PDE4D: variants seen among roughly 807,000 people sequenced by gnomAD.
PDE4D encodes 3',5'-cyclic-AMP phosphodiesterase 4D.
PDE4D carries 24 observed loss-of-function variants against 87.4 expected under a neutral mutation model. That is an observed-to-expected ratio of 0.27 (90% CI 0.20 to 0.39). The LOEUF (loss-of-function observed/expected upper bound fraction) is 0.39, where lower values mean the gene tolerates loss of function less well. Ranked by LOEUF, PDE4D falls within the 10% of genes least tolerant of loss-of-function variation. The pLI is 1.00. For missense variants in PDE4D, 714 were observed against 1,041.0 expected, an observed-to-expected ratio of 0.69 and a Z score of 4.32; for synonymous variants, 384 against 383.2, an observed-to-expected ratio of 1.00 and a Z score of -0.02.
intron 1 of PDE4D, among the ~76,000 whole-genome samples, chr5:59,666,110 G>A (rs1222130170): frequency 3.9e-5 from 6 of 152,024 alleles, no homozygotes; most frequent in East Asian, 1.9e-4. Flanking sequence ...ACAGGCATGC[G>A]CCACCATGCC....
At chr5:60,377,281 C>A (rs1031776147) in intron 1 of PDE4D, among the ~76,000 whole-genome samples, 1 of 152,180 alleles carries the variant, frequency 6.6e-6, no homozygotes, top group Non-Finnish European at 1.5e-5. Flanking sequence ...CAGTATCTAG[C>A]ACAGAGTCAG....
intron 2 of PDE4D, among the ~76,000 whole-genome samples, chr5:60,080,624 T>C (rs1046137202): frequency 6.6e-6 from 1 of 152,240 alleles, no homozygotes; most frequent in Non-Finnish European, 1.5e-5. Context: ...CTTTTCTGCA[T>C]CTATTGAGAT....
Position 60,399,202 on chromosome 5 carries a change from T to C in PDE4D, c.-90+88740A>G, listed in dbSNP as rs372207590. 2.9e-4 allele frequency among the ~76,000 whole-genome samples: 44 copies of C among 152,328 alleles called. No homozygotes were observed. The South Asian group carries it at 8.9e-3, about 31-fold the overall frequency. On this transcript the variant is annotated intron_variant, in intron 1 of 16. Transcript: ENST00000502484. Reference sequence around the variant, plus strand: ...TGGGGTGGGGGTGTGACAGAGGCTATATTACCTCTTAGTATTGCTTATAGA... The same window carrying C: ...TGGGGTGGGGGTGTGACAGAGGCTACATTACCTCTTAGTATTGCTTATAGA...
intron 1 of PDE4D, among the ~76,000 whole-genome samples, chr5:59,750,245 T>G (rs1760240282): frequency 6.6e-6 from 1 of 152,124 alleles, no homozygotes; most frequent in Admixed American, 6.6e-5. Context: ...CTTCCAAAAC[T>G]TATGATAGAC....
At chr5:59,426,991 G>T (rs1795321812) in intron 1 of PDE4D, among the ~76,000 whole-genome samples, 1 of 137,522 alleles carries the variant, frequency 7.3e-6, no homozygotes, top group Admixed American at 7.8e-5. Flanking sequence ...TCTACAACTT[G>T]AAGCTATACA....
At chr5:59,878,612 C>T (rs942099723) in intron 1 of PDE4D, among the ~76,000 whole-genome samples, 1 of 152,082 alleles carries the variant, frequency 6.6e-6, no homozygotes, top group Non-Finnish European at 1.5e-5. Context: ...CATGCCTGGC[C>T]ATGGATTCAT....
chr5:60,103,223 C>A (rs1184392801), intron 2 of PDE4D, among the ~76,000 whole-genome samples: 1 of 152,126 alleles, frequency 6.6e-6, no homozygotes, highest in East Asian at 1.9e-4. Flanking sequence ...TAAGTAAGAG[C>A]CTTGGAGTTA....
chr5:60,373,404 C>A (rs1042510661), intron 1 of PDE4D, among the ~76,000 whole-genome samples: 2 of 152,164 alleles, frequency 1.3e-5, no homozygotes, highest in African/African-American at 4.8e-5. Context: ...ATTTACTCTA[C>A]GTGTATAGAC....
At chr5:60,253,546 T>C (rs1003750267) in intron 1 of PDE4D, among the ~76,000 whole-genome samples, 4 of 151,886 alleles carry the variant, frequency 2.6e-5, no homozygotes, top group African/African-American at 9.7e-5. Context: ...CTTGAGAGGC[T>C]ATCTCAATTT....
chr5:59,082,682 C>T (rs533303042), intron 5 of PDE4D, among the ~76,000 whole-genome samples: 1 of 152,042 alleles, frequency 6.6e-6, no homozygotes, highest in South Asian at 2.1e-4. Flanking sequence ...TTTTTAAAAA[C>T]TTGAAGAATA....
intron 1 of PDE4D, among the ~76,000 whole-genome samples, chr5:60,418,528 C>A (rs1742816841): frequency 6.6e-6 from 1 of 151,914 alleles, no homozygotes; most frequent in Non-Finnish European, 1.5e-5. Context: ...CTTCTATAGA[C>A]TATTTTCCTT....
chr5:60,046,408 A>G (rs1303747926), intron 2 of PDE4D, among the ~76,000 whole-genome samples: 1 of 152,166 alleles, frequency 6.6e-6, no homozygotes, highest in Non-Finnish European at 1.5e-5. Context: ...ACTATGTTGA[A>G]TAGGAGGGGT....
intron 1 of PDE4D, among the ~76,000 whole-genome samples, chr5:59,393,858 A>C (rs1204870528): frequency 6.6e-6 from 1 of 152,236 alleles, no homozygotes; most frequent in African/African-American, 2.4e-5. Flanking sequence ...ATAAAACAAA[A>C]GTTTTAGCAT....
rs551947282 is a variant in PDE4D at position 60,277,519 on chromosome 5, T to C, written c.-89-91832A>G. On this transcript the variant is annotated intron_variant, in intron 1 of 16. Coordinates refer to the PDE4D transcript ENST00000502484. ...TGTGTACCATAGCATAATGCAGTTA[T>C]ATAGGATAAAGAATTCTAGAGATGT... Among the ~76,000 whole-genome samples, 13 of 152,228 alleles carry C rather than the reference T, an allele frequency of 8.5e-5. No individual in the cohort carries two copies. The South Asian group carries it at 1.7e-3, about 19-fold the overall frequency.
intron 6 of PDE4D, among the ~76,000 whole-genome samples, chr5:59,010,077 G>A (rs1188712364): frequency 1.3e-5 from 2 of 152,164 alleles, no homozygotes; most frequent in African/African-American, 4.8e-5. Context: ...TGTAATCCTA[G>A]CACTTTAGGA....
intron 1 of PDE4D, among the ~76,000 whole-genome samples, chr5:59,350,770 A>G (rs151255889): frequency 3.5e-4 from 54 of 152,230 alleles, no homozygotes; most frequent in African/African-American, 1.2e-3. Context: ...TCCTCATAAT[A>G]CTCCATTTTA....
chr5:59,469,129 C>T (rs1026210043), intron 1 of PDE4D, among the ~76,000 whole-genome samples: 10 of 152,126 alleles, frequency 6.6e-5, no homozygotes, highest in Non-Finnish European at 1.3e-4. Flanking sequence ...AGATCGAGAC[C>T]GTCCTGGCTA....
rs114870717 is a variant in PDE4D at position 59,047,721 on chromosome 5, A to G, written c.809-8750T>C. Among the ~76,000 whole-genome samples, 100 of 152,386 alleles carry G rather than the reference A, an allele frequency of 6.6e-4. 1 individual carries two copies. Among genetic ancestry groups the G allele is most frequent in the Middle Eastern group, 3.4e-3 (1 of 294 alleles). ...ATGGACTGAATGTTTGTGTCTCTCC[A>G]ATATTCATATGCTGAAATCTAATCC... On this transcript the variant is annotated intron_variant, in intron 5 of 14. Transcript: ENST00000340635.
intron 1 of PDE4D, among the ~76,000 whole-genome samples, chr5:60,210,214 A>G (rs867666924): frequency 1.3e-4 from 20 of 152,154 alleles, no homozygotes; most frequent in Middle Eastern, 3.2e-3. Flanking sequence ...ATTTGTGACA[A>G]TTTTTAGTAA....
Sources: allele counts gnomAD v4.1 joint callset (sites outside exome capture counted in the v4.1 genomes callset), GRCh38; gene constraint gnomAD v4.1.1; transcripts MANE v1.5; gene names NCBI Gene and HGNC (gene_info 2026-07-23, HGNC 2026-07-21).